SMYD1: variants seen among roughly 807,000 people sequenced by gnomAD.
SMYD1 encodes SET and MYND domain containing 1, also known as histone-lysine N-methyltransferase SMYD1.
In SMYD1, 49 loss-of-function variants were observed where a neutral mutation model predicts 54.0. The observed-to-expected ratio is 0.91, with a 90% CI of 0.72 to 1.15. SMYD1 has a LOEUF of 1.15. SMYD1 is among the 50% of genes most tolerant of loss of function. The pLI is 0.00. For missense variants in SMYD1, 653 were observed against 639.6 expected (o/e 1.02, Z -0.23); for synonymous variants, 269 against 234.2 (o/e 1.15, Z -1.36).
At chr2:88,089,442 T>C (rs1010745321) in intron 3 of SMYD1, among the ~76,000 whole-genome samples, 18 of 152,138 alleles carry the variant, frequency 1.2e-4, no homozygotes, top group African/African-American at 4.3e-4. Context: ...CAAGGTAAGG[T>C]CCATGCTTTC....
chr2:88,112,874 G>T lies in SMYD1; in HGVS notation c.*2362G>T, dbSNP rs1050938865. 2 of 152,130 alleles carry T rather than the reference G, an allele frequency of 1.3e-5. No homozygotes were observed. The highest frequency in any genetic ancestry group is 4.8e-5 in the African/African-American group (2 of 41,358). The allele number at this position is 152,130 out of a possible 1,614,324, so 9.4% of individuals were successfully genotyped here. On this transcript the variant is annotated 3_prime_UTR_variant, in exon 10 of 10. Transcript: ENST00000419482. ...ATTGACATTTCCTGGAGTTGGTTTT[G>T]TCCTTGATTCATTCTCATGTCATTC... is the stretch of plus-strand genomic sequence containing the variant.
At chr2:88,108,954 G>A (rs544878711) in intron 9 of SMYD1, among the ~76,000 whole-genome samples, 129 of 152,238 alleles carry the variant, frequency 8.5e-4, no homozygotes, top group Middle Eastern at 3.4e-3. Flanking sequence ...AACTCAGAGC[G>A]ACAACTCACT....
At chr2:88,074,528 TG>T (rs146261798) in intron 1 of SMYD1, among the ~76,000 whole-genome samples, 1,638 of 152,352 alleles carry the variant, frequency 0.011, 30 homozygotes, top group African/African-American at 0.038. Context: ...TTATAAGTTC[TG>T]GGGATTAAGA....
chr2:88,070,248 T>C (rs1026125918), intron 1 of SMYD1, among the ~76,000 whole-genome samples: 3 of 152,180 alleles, frequency 2.0e-5, no homozygotes, highest in African/African-American at 7.2e-5. Flanking sequence ...TTTAGGCTCC[T>C]GGTGAGGCTC....
intron 5 of SMYD1, among the ~76,000 whole-genome samples, chr2:88,094,998 C>G (rs1301240747): frequency 6.6e-6 from 1 of 152,116 alleles, no homozygotes; most frequent in African/African-American, 2.4e-5. Flanking sequence ...AGCCTGAAAG[C>G]AACCAGGCAA....
At position 88,087,915 on chromosome 2, in the gene SMYD1, A is replaced by C. The variant is rs1558851531; in HGVS notation, c.368A>C (p.Glu123Ala). 1.9e-6 allele frequency: 3 copies of C among 1,612,724 alleles called. No homozygotes were observed. Among genetic ancestry groups the C allele is most frequent in the Non-Finnish European group, 2.5e-6 (3 of 1,179,352 alleles). The change falls in exon 3 of 10, where the codon GAG (glutamate) becomes GCG (alanine). Residue 123 changes from glutamate to alanine, a missense_variant. By Grantham distance (107) the Glu-to-Ala change is moderately radical. Coordinates refer to ENST00000419482, the MANE Select transcript of SMYD1 (RefSeq NM_198274.4). The stretch of plus-strand genomic sequence containing the variant: ...GAGAGAGAAGGCACCGGGCTCACGG[A>C]GGGCTGCCTGGTGTCCGTGGACGAC... ...RVEREGTGLTEGCLVSVDDLQ... is the reference protein window; with the variant it reads ...RVEREGTGLTAGCLVSVDDLQ...
chr2:88,073,298 T>C (rs1262294904), intron 1 of SMYD1, among the ~76,000 whole-genome samples: 1 of 152,234 alleles, frequency 6.6e-6, no homozygotes, highest in Non-Finnish European at 1.5e-5. Context: ...GTTTTCTTTA[T>C]ACAATCCACC....
intron 6 of SMYD1, 95 bp downstream of exon 6, chr2:88,096,879 A>C: frequency 2.3e-6 from 3 of 1,286,544 alleles, no homozygotes; most frequent in Non-Finnish European, 3.2e-6. Flanking sequence ...CCTGCCCATG[A>C]GCTTCCTAGG....
intron 5 of SMYD1, among the ~76,000 whole-genome samples, chr2:88,094,384 T>A (rs1022493861): frequency 1.3e-5 from 2 of 152,180 alleles, no homozygotes; most frequent in African/African-American, 4.8e-5. Flanking sequence ...TTAAATAGGC[T>A]GCCTACTTGT....
chr2:88,090,274 T>A (rs1425133659), intron 3 of SMYD1, among the ~76,000 whole-genome samples: 1 of 152,266 alleles, frequency 6.6e-6, no homozygotes, highest in Non-Finnish European at 1.5e-5. Context: ...TATTCATAGA[T>A]GTATTTATAG....
chr2:88,104,983 G>A (rs540991673), intron 7 of SMYD1, among the ~76,000 whole-genome samples: 1 of 152,258 alleles, frequency 6.6e-6, no homozygotes, highest in East Asian at 1.9e-4. Context: ...CATCCATCTT[G>A]AACACTTCAG....
chr2:88,109,378 C>G (rs555786828), intron 9 of SMYD1, among the ~76,000 whole-genome samples: 1 of 152,148 alleles, frequency 6.6e-6, no homozygotes, highest in Non-Finnish European at 1.5e-5. Flanking sequence ...GTTCCAGCTT[C>G]ACCGCTTTCT....
intron 3 of SMYD1, among the ~76,000 whole-genome samples, chr2:88,089,369 T>C (rs1447293021): frequency 6.6e-6 from 1 of 152,212 alleles, no homozygotes; most frequent in African/African-American, 2.4e-5. Flanking sequence ...TGACCAGCCA[T>C]GTGGGCACAC....
At chr2:88,103,026 C>T (rs1271399342) in intron 6 of SMYD1, 32 bp from the exon 7 acceptor site, 2 of 1,586,240 alleles carry the variant, frequency 1.3e-6, no homozygotes, top group South Asian at 1.1e-5. Context: ...CTCATGAAGG[C>T]ATCTCTAGCT....
rs1367335187 is a variant in SMYD1, at chr2:88,112,364, T to G, written c.*1852T>G. The stretch of plus-strand genomic sequence containing the variant: ...AACAAACTGTGTTCTGTGTCTGTGC[T>G]CCTCCTTCCCTCTCAGACCACTGGA... On this transcript the variant is annotated 3_prime_UTR_variant, in exon 10 of 10. Coordinates refer to ENST00000419482, the MANE Select transcript of SMYD1 (RefSeq NM_198274.4). 5 of 564,404 alleles carry G rather than the reference T, an allele frequency of 8.9e-6. No individual in the cohort carries two copies. The highest frequency in any genetic ancestry group is 1.6e-5 in the Non-Finnish European group (5 of 315,582). 35.0% of individuals were successfully genotyped at this position (564,404 alleles called of 1,614,324 possible). A position where few individuals can be genotyped will look rare whatever the true frequency, so the allele number is the denominator to read the frequency against.
At chr2:88,103,254 C>A in intron 7 of SMYD1, 104 bp downstream of exon 7, 1 of 805,590 alleles carries the variant, frequency 1.2e-6, no homozygotes, top group South Asian at 1.6e-5. Flanking sequence ...GGGAGGGGGG[C>A]TACCAAGCAG....
intron 1 of SMYD1, among the ~76,000 whole-genome samples, chr2:88,073,542 G>A (rs1169634106): frequency 1.3e-5 from 2 of 152,172 alleles, no homozygotes; most frequent in South Asian, 2.1e-4. Flanking sequence ...GAGATCAAGG[G>A]TGTGCTCTTC....
intron 1 of SMYD1, among the ~76,000 whole-genome samples, chr2:88,068,300 G>A (rs977861038): frequency 2.6e-5 from 4 of 152,142 alleles, no homozygotes; most frequent in Non-Finnish European, 5.9e-5. Context: ...AAAGGTGGGT[G>A]TGGTGCTGTG....
intron 1 of SMYD1, among the ~76,000 whole-genome samples, chr2:88,069,462 G>A (rs1185639957): frequency 6.6e-6 from 1 of 152,086 alleles, no homozygotes; most frequent in African/African-American, 2.4e-5. Flanking sequence ...TCAGGGGAGG[G>A]GTGAGTACAG....
Sources: allele counts gnomAD v4.1 joint callset (sites outside exome capture counted in the v4.1 genomes callset), GRCh38; gene constraint gnomAD v4.1.1; transcripts MANE v1.5; gene names NCBI Gene and HGNC (gene_info 2026-07-23, HGNC 2026-07-21).